The following BBS9 variants were observed in gnomAD, a reference collection of about 807,000 sequenced individuals.
The protein encoded by BBS9 is Bardet-Biedl syndrome 9.
Under a neutral mutation model 117.7 loss-of-function variants are expected in BBS9, and 89 were observed. That is an observed-to-expected ratio of 0.76 (90% CI 0.64 to 0.90). The LOEUF (loss-of-function observed/expected upper bound fraction) is 0.90. BBS9 is among the 40% of genes least tolerant of loss of function. BBS9 has a pLI of 0.00. For missense variants in BBS9, 982 were observed against 1,042.2 expected, an observed-to-expected ratio of 0.94 and a Z score of 0.80; for synonymous variants, 379 against 370.9, an observed-to-expected ratio of 1.02 and a Z score of -0.25.
intron 5 of BBS9, among the ~76,000 whole-genome samples, chr7:33,219,378 G>T (rs982443425): frequency 6.6e-6 from 1 of 152,208 alleles, no homozygotes; most frequent in Non-Finnish European, 1.5e-5. Context: ...CGCGGGACTG[G>T]CAGGCAGCTC....
chr7:33,313,298 C>T lies in BBS9; in HGVS notation c.1017-23143C>T, dbSNP rs141375353. On this transcript the variant is annotated intron_variant, in intron 9 of 22. Coordinates refer to ENST00000242067, the MANE Select transcript of BBS9 (RefSeq NM_198428.3). ...GGAATGACCAGTGTAACTTGCCCAT[C>T]TTTAGCCTCTAGCGTGGTGCCTGAA... Among the ~76,000 whole-genome samples the T allele has an allele frequency of 3.7e-4, 57 of 152,204 alleles. No homozygotes were observed. The East Asian group carries it at 9.9e-3, about 26-fold the overall frequency.
At chr7:33,407,767 A>G (rs1830312556) in intron 19 of BBS9, among the ~76,000 whole-genome samples, 2 of 152,174 alleles carry the variant, frequency 1.3e-5, no homozygotes, top group Non-Finnish European at 2.9e-5. Context: ...TGATCCGCCA[A>G]TGCTGCTGTC....
At position 33,336,522 on chromosome 7, in the gene BBS9, C is replaced by T; in HGVS notation, c.1098C>T (p.Phe366=). The T allele has an allele frequency of 6.2e-7, 1 of 1,613,414 alleles. No individual in the cohort carries two copies. ...CSYLGTDPSL[F]QAPNVQSREL... is the part of the protein sequence containing the mutation. ...ACCTGGGGACAGATCCTTCTCTGTTCCAAGCTCCAAACGTTCAATCTCGAG... is the reference window on the plus strand; with the variant it reads ...ACCTGGGGACAGATCCTTCTCTGTTTCAAGCTCCAAACGTTCAATCTCGAG... The change falls in exon 10 of 23, where the codon TTC becomes TTT. Residue 366 remains phenylalanine, a synonymous_variant. Transcript: ENST00000242067.
intron 20 of BBS9, among the ~76,000 whole-genome samples, chr7:33,517,215 T>C (rs978575532): frequency 2.6e-5 from 4 of 152,038 alleles, no homozygotes; most frequent in Admixed American, 2.6e-4. Flanking sequence ...AGCATTATTA[T>C]GTGCTAGGCA....
chr7:33,433,372 A>G (rs560812094), intron 19 of BBS9, among the ~76,000 whole-genome samples: 83 of 152,272 alleles, frequency 5.5e-4, no homozygotes, highest in African/African-American at 1.9e-3. Flanking sequence ...GAAAGCAACA[A>G]TTGTTACTGA....
intron 20 of BBS9, among the ~76,000 whole-genome samples, chr7:33,528,043 G>A (rs78732481): frequency 2.9e-3 from 445 of 152,208 alleles, no homozygotes; most frequent in African/African-American, 9.2e-3. Context: ...TAGATATAAT[G>A]TAATACAATT....
chr7:33,542,699 A>ATGTGTG (rs200416682), intron 21 of BBS9, among the ~76,000 whole-genome samples: 31 of 145,960 alleles, frequency 2.1e-4, no homozygotes, highest in African/African-American at 3.0e-4. Context: ...CATTATATAT[A>ATGTGTG]TGTGTGTGTG....
chr7:33,600,947 C>T (rs1309914779), intron 21 of BBS9, among the ~76,000 whole-genome samples: 3 of 152,184 alleles, frequency 2.0e-5, no homozygotes, highest in Non-Finnish European at 4.4e-5. Context: ...AAAGTATTTC[C>T]AGGCTACTTT....
At chr7:33,364,725 C>G (rs548555490) in intron 16 of BBS9, among the ~76,000 whole-genome samples, 1 of 133,428 alleles carries the variant, frequency 7.5e-6, no homozygotes, top group South Asian at 2.8e-4. Flanking sequence ...GTCCTCCTCC[C>G]CCTCCTCTCA....
At chr7:33,409,160 T>C (rs1009790316) in intron 19 of BBS9, among the ~76,000 whole-genome samples, 1 of 152,232 alleles carries the variant, frequency 6.6e-6, no homozygotes, top group Non-Finnish European at 1.5e-5. Flanking sequence ...TTTAGTTTAA[T>C]TGGGTCCCAC....
At chr7:33,456,393 A>G (rs563381212) in intron 19 of BBS9, among the ~76,000 whole-genome samples, 202 of 152,326 alleles carry the variant, frequency 1.3e-3, no homozygotes, top group African/African-American at 4.4e-3. Context: ...TAATGAATGC[A>G]AGGAAAGGTA....
intron 21 of BBS9, among the ~76,000 whole-genome samples, chr7:33,589,645 G>A (rs191642171): frequency 1.1e-3 from 166 of 152,178 alleles, no homozygotes; most frequent in Non-Finnish European, 1.9e-3. Flanking sequence ...CTGAAAGGGT[G>A]GAGTTGAGAT....
chr7:33,614,381 T>C (rs1187839221), intron 21 of BBS9, among the ~76,000 whole-genome samples: 2 of 152,082 alleles, frequency 1.3e-5, no homozygotes, highest in East Asian at 3.9e-4. Flanking sequence ...TAGTTTCTTT[T>C]ATATTATGTA....
At chr7:33,199,666 A>G (rs867299877) in intron 5 of BBS9, among the ~76,000 whole-genome samples, 10 of 151,662 alleles carry the variant, frequency 6.6e-5, no homozygotes, top group East Asian at 1.9e-4. Context: ...ATTATACACC[A>G]CACACATTTA....
intron 19 of BBS9, among the ~76,000 whole-genome samples, chr7:33,403,866 T>C (rs1190281616): frequency 3.3e-5 from 5 of 152,138 alleles, no homozygotes; most frequent in Non-Finnish European, 5.9e-5. Context: ...GTATTTCTAG[T>C]TCTAGATCCC....
intron 6 of BBS9, among the ~76,000 whole-genome samples, chr7:33,260,290 C>T (rs1484750670): frequency 1.3e-5 from 2 of 152,200 alleles, no homozygotes; most frequent in African/African-American, 4.8e-5. Flanking sequence ...GCATGAGCCA[C>T]CACGCCCGGC....
rs546316648 is a variant in BBS9, at chr7:33,405,158, C to T, written c.2115+17014C>T. On this transcript the variant is annotated intron_variant, in intron 19 of 22. Coordinates refer to ENST00000242067, the MANE Select transcript of BBS9 (RefSeq NM_198428.3). ...ATGCTGGACTACATTTATTGATTTG[C>T]GTATATTGAACCAGCCTTGCATCCC... Among the ~76,000 whole-genome samples the T allele has an allele frequency of 2.8e-4, 42 of 152,228 alleles. No homozygotes were observed. The South Asian group carries it at 4.4e-3, about 16-fold the overall frequency.
intron 21 of BBS9, among the ~76,000 whole-genome samples, chr7:33,572,455 T>A (rs1049001677): frequency 2.0e-5 from 3 of 152,078 alleles, no homozygotes; most frequent in African/African-American, 4.8e-5. Flanking sequence ...TGGATATATA[T>A]ACAGCAGTGG....
intron 9 of BBS9, among the ~76,000 whole-genome samples, chr7:33,288,462 C>T (rs538314194): frequency 6.6e-5 from 10 of 152,032 alleles, no homozygotes; most frequent in Admixed American, 6.6e-4. Flanking sequence ...AATTCGTTAA[C>T]GTTGAATAAT....
Sources: gnomAD v4.1 joint callset for allele counts (sites outside exome capture counted in the v4.1 genomes callset) on GRCh38, gnomAD v4.1.1 for gene constraint, MANE v1.5 for transcripts, NCBI Gene and HGNC (gene_info 2026-07-23, HGNC 2026-07-21) for gene names.